The following CNTNAP3 variants were observed in gnomAD, a reference collection of about 807,000 sequenced individuals.
The protein encoded by CNTNAP3 is contactin associated protein family member 3.
CNTNAP3 carries 36 observed loss-of-function variants against 92.1 expected under a neutral mutation model. The ratio of observed to expected loss-of-function variants is 0.39; its 90% confidence interval spans 0.30 to 0.52. The LOEUF is 0.52. CNTNAP3 is among the 20% of genes least tolerant of loss of function. CNTNAP3 has a pLI of 0.76. For synonymous variants in CNTNAP3, 232 were observed against 422.3 expected (o/e 0.55, Z 5.53); for missense variants, 534 against 1,069.6 (o/e 0.50, Z 6.98).
intron 9 of CNTNAP3, chr9:39,159,575 G>A (rs1490434473): frequency 1.2e-4 from 17 of 138,040 alleles, no homozygotes; most frequent in South Asian, 2.2e-4. Context: ...CAGGTGATCC[G>A]CCGGCCTCAG....
At chr9:39,123,528 A>G (rs1292656435) in intron 13 of CNTNAP3, among the ~76,000 whole-genome samples, 1 of 152,112 alleles carries the variant, frequency 6.6e-6, no homozygotes, top group African/African-American at 2.4e-5. Context: ...TTAATGACAG[A>G]CATGAAACCA....
chr9:39,089,758 T>G (rs1388470147), intron 18 of CNTNAP3, among the ~76,000 whole-genome samples: 1 of 152,160 alleles, frequency 6.6e-6, no homozygotes, highest in Admixed American at 6.5e-5. Context: ...CAGCTATACC[T>G]GTCTGTGTGA....
chr9:39,085,754 T>C lies in CNTNAP3; in HGVS notation c.3424A>G (p.Ile1142Val), dbSNP rs772812012. ...TACTTACCTAAAACCTTTCCCAATA[T>C]GAGAGATTTGACGGCGTTGAATTCT... ...GTEFNAVKSLILGKVLEAAGA... is the reference protein window; with the variant it reads ...GTEFNAVKSLVLGKVLEAAGA... The change falls in exon 21 of 24, where the codon ATA becomes GTA. Residue 1142 changes from isoleucine (I) to valine (V), a missense_variant. Ile to Val is a conservative substitution (Grantham distance 29, BLOSUM62 3). Transcript: ENST00000297668. The C allele has an allele frequency of 2.8e-5, 44 of 1,556,582 alleles. 3 individuals are homozygous for C. The highest frequency in any genetic ancestry group is 8.5e-5 in the Admixed American group (5 of 58,932).
intron 13 of CNTNAP3, among the ~76,000 whole-genome samples, chr9:39,132,462 G>A (rs947012854): frequency 6.6e-6 from 1 of 152,044 alleles, no homozygotes; most frequent in African/African-American, 2.4e-5. Context: ...TTTCATCCTA[G>A]ACCACAGTGA....
intron 13 of CNTNAP3, among the ~76,000 whole-genome samples, chr9:39,132,398 T>C (rs914267663): frequency 1.3e-5 from 2 of 152,004 alleles, no homozygotes; most frequent in Non-Finnish European, 2.9e-5. Context: ...CAAGATATAA[T>C]TTCAAAAAAA....
chr9:39,106,256 G>T (rs1826604257), intron 15 of CNTNAP3, among the ~76,000 whole-genome samples: 1 of 152,106 alleles, frequency 6.6e-6, no homozygotes. Context: ...TTACAGAAGA[G>T]AATATTTTAT....
chr9:39,069,439 T>C lies in CNTNAP3; in HGVS notation c.*4451A>G, dbSNP rs534236272. Among the ~76,000 whole-genome samples, 2 of 152,428 alleles carry C rather than the reference T, an allele frequency of 1.3e-5. No homozygotes were observed. Among genetic ancestry groups the C allele is most frequent in the East Asian group, 3.8e-4 (2 of 5,196 alleles). ...AAGCTAGCTAAGTTAGAAATTTTCA[T>C]ATCGCAAAATCTAAAAGTTCATCTT... On this transcript the variant is annotated 3_prime_UTR_variant, in exon 24 of 24. Coordinates refer to ENST00000297668, the MANE Select transcript of CNTNAP3 (RefSeq NM_033655.5).
intron 9 of CNTNAP3, chr9:39,159,661 TAGATAG>T (rs1444485044): frequency 3.5e-5 from 5 of 141,106 alleles, no homozygotes; most frequent in African/African-American, 1.2e-4. Flanking sequence ...GATAGATAGA[TAGATAG>T]ATAGATATAT....
At chr9:39,124,264 A>G (rs2118002400) in intron 13 of CNTNAP3, among the ~76,000 whole-genome samples, 1 of 152,318 alleles carries the variant, frequency 6.6e-6, no homozygotes, top group Middle Eastern at 3.4e-3. Flanking sequence ...GCTACCACTA[A>G]AACAATGACC....
Position 39,105,414 on chromosome 9 carries a change from A to G in CNTNAP3, c.2366-1500T>C, listed in dbSNP as rs1015247031. Reference sequence around the variant, plus strand: ...TGCACTCCAGCCTGGGTGACAGAGCAACTCTCCATCTCAAAAACAAACAAA... The same window carrying G: ...TGCACTCCAGCCTGGGTGACAGAGCGACTCTCCATCTCAAAAACAAACAAA... On this transcript the variant is annotated intron_variant, in intron 15 of 23. Coordinates refer to ENST00000297668, the MANE Select transcript of CNTNAP3 (RefSeq NM_033655.5). Among the ~76,000 whole-genome samples, 129 of 152,244 alleles carry G rather than the reference A, an allele frequency of 8.5e-4. 1 individual carries two copies. Among genetic ancestry groups the G allele is most frequent in the Admixed American group, 2.7e-3 (42 of 15,294 alleles).
intron 11 of CNTNAP3, among the ~76,000 whole-genome samples, chr9:39,141,867 A>C (rs1339487643): frequency 6.6e-6 from 1 of 152,176 alleles, no homozygotes; most frequent in African/African-American, 2.4e-5. Flanking sequence ...GTATATATCA[A>C]TTGAATACAA....
At chr9:39,112,634 G>C (rs144843496) in intron 14 of CNTNAP3, among the ~76,000 whole-genome samples, 1 of 152,160 alleles carries the variant, frequency 6.6e-6, no homozygotes, top group African/African-American at 2.4e-5. Flanking sequence ...AAAGTGCTGG[G>C]ATAACAGGTG....
chr9:39,084,793 T>C (rs535821803), intron 21 of CNTNAP3, among the ~76,000 whole-genome samples: 1 of 152,168 alleles, frequency 6.6e-6, no homozygotes, highest in African/African-American at 2.4e-5. Context: ...AAGTGTTTTA[T>C]TAATGTTTGA....
chr9:39,124,634 G>T (rs568842341), intron 13 of CNTNAP3, among the ~76,000 whole-genome samples: 1 of 149,892 alleles, frequency 6.7e-6, no homozygotes, highest in African/African-American at 2.5e-5. Flanking sequence ...CTAATATCCA[G>T]AATCTACACA....
chr9:39,125,062 T>A (rs1221435329), intron 13 of CNTNAP3, among the ~76,000 whole-genome samples: 1 of 152,234 alleles, frequency 6.6e-6, no homozygotes, highest in Non-Finnish European at 1.5e-5. Context: ...TGCACACATA[T>A]GTTTACTGAG....
At position 39,151,049 on chromosome 9, in the gene CNTNAP3, T is replaced by C. The variant is rs184326041; in HGVS notation, c.1478-1072A>G. 2.6e-3 allele frequency among the ~76,000 whole-genome samples: 386 copies of C among 147,404 alleles called. 25 individuals are homozygous for C. Among genetic ancestry groups the C allele is most frequent in the Middle Eastern group, 7.0e-3 (2 of 286 alleles). ...AGGAAAAGGATGAAAGTACACACTC[T>C]AGTTAAAGAAAACACAATAACTGTA... On this transcript the variant is annotated intron_variant, in intron 9 of 23. Transcript: ENST00000297668.
At chr9:39,093,131 T>C (rs1009217131) in intron 18 of CNTNAP3, among the ~76,000 whole-genome samples, 1 of 124,790 alleles carries the variant, frequency 8.0e-6, no homozygotes, top group African/African-American at 2.9e-5. Context: ...AGACAGCATA[T>C]AGTTAAGATT....
intron 13 of CNTNAP3, among the ~76,000 whole-genome samples, chr9:39,119,996 T>A (rs1032812372): frequency 6.6e-6 from 1 of 152,006 alleles, no homozygotes; most frequent in Non-Finnish European, 1.5e-5. Flanking sequence ...ATCATCCGAA[T>A]CTCAAAAAGA....
At chr9:39,100,721 G>A (rs1826436569) in intron 17 of CNTNAP3, among the ~76,000 whole-genome samples, 1 of 151,878 alleles carries the variant, frequency 6.6e-6, no homozygotes, top group Non-Finnish European at 1.5e-5. Flanking sequence ...CCTCTCAGAG[G>A]GTACAGTGCT....
Sources: allele counts gnomAD v4.1 joint callset (sites outside exome capture counted in the v4.1 genomes callset), GRCh38; gene constraint gnomAD v4.1.1; transcripts MANE v1.5; gene names NCBI Gene and HGNC (gene_info 2026-07-23, HGNC 2026-07-21).